The following SLC39A11 variants were observed in gnomAD, a reference collection of about 807,000 sequenced individuals.
SLC39A11 encodes solute carrier family 39 member 11, also known as zinc transporter ZIP11.
A neutral mutation model predicts 36.1 loss-of-function variants in SLC39A11; 33 were observed. That is an observed-to-expected ratio of 0.91 (90% CI 0.69 to 1.22). The LOEUF (loss-of-function observed/expected upper bound fraction) is 1.22, where lower values mean the gene tolerates loss of function less well. Among genes scored for constraint, SLC39A11 ranks in the 50% most tolerant of loss-of-function variants. The pLI, the probability that SLC39A11 is intolerant of heterozygous loss-of-function variation, is 0.00. For missense variants in SLC39A11, 432 were observed against 430.3 expected, an observed-to-expected ratio of 1.00 and a Z score of -0.03; for synonymous variants, 166 against 170.3, an observed-to-expected ratio of 0.97 and a Z score of 0.20.
At position 72,865,604 on chromosome 17, in the gene SLC39A11, C is replaced by T. The variant is rs1343067669; in HGVS notation, c.431-15800G>A. 2.6e-5 allele frequency among the ~76,000 whole-genome samples: 4 copies of T among 151,710 alleles called. No individual in the cohort carries two copies. In the East Asian group the frequency reaches 7.7e-4, roughly 29 times the overall value. ...CTAAAAAAAAATACGCTCCCATGAT[C>T]CAGGACGCTGAAGACCCTCAAGGAA... On this transcript the variant is annotated intron_variant, in intron 5 of 9. Coordinates refer to ENST00000255559, the MANE Select transcript of SLC39A11 (RefSeq NM_139177.4).
intron 5 of SLC39A11, among the ~76,000 whole-genome samples, chr17:72,868,646 A>T (rs866824111): frequency 6.7e-6 from 1 of 148,680 alleles, no homozygotes; most frequent in African/African-American, 2.5e-5. Flanking sequence ...AAAAAAAAAA[A>T]AAAGAAAGAA....
At chr17:73,053,811 G>C (rs1345941450) in intron 3 of SLC39A11, among the ~76,000 whole-genome samples, 1 of 152,214 alleles carries the variant, frequency 6.6e-6, no homozygotes, top group Non-Finnish European at 1.5e-5. Flanking sequence ...TTCCTGGCAT[G>C]ACTGCATCCT....
At chr17:72,913,204 C>A (rs984636009) in intron 5 of SLC39A11, among the ~76,000 whole-genome samples, 2 of 151,372 alleles carry the variant, frequency 1.3e-5, no homozygotes, top group Admixed American at 1.3e-4. Context: ...AAAAAAAATC[C>A]TTTTTTAATT....
At chr17:72,772,650 C>T (rs2075989125) in intron 6 of SLC39A11, among the ~76,000 whole-genome samples, 2 of 152,174 alleles carry the variant, frequency 1.3e-5, no homozygotes. Flanking sequence ...TGTTGCATCG[C>T]TGCACACCTG....
chr17:72,888,273 T>C (rs1002849936), intron 5 of SLC39A11, among the ~76,000 whole-genome samples: 1 of 152,216 alleles, frequency 6.6e-6, no homozygotes, highest in Non-Finnish European at 1.5e-5. Context: ...ATGTAAAATA[T>C]GCCTTCTATT....
intron 4 of SLC39A11, among the ~76,000 whole-genome samples, chr17:73,020,391 A>G (rs942049860): frequency 1.3e-5 from 2 of 152,190 alleles, no homozygotes; most frequent in South Asian, 4.1e-4. Context: ...CATCTGCAAG[A>G]CAGAAAGAGA....
intron 6 of SLC39A11, among the ~76,000 whole-genome samples, chr17:72,763,680 T>C (rs2075667955): frequency 6.6e-6 from 1 of 152,206 alleles, no homozygotes. Flanking sequence ...CATCCATAAG[T>C]ACTTATCGAG....
At chr17:72,888,226 AC>A (rs1942897895) in intron 5 of SLC39A11, among the ~76,000 whole-genome samples, 2 of 152,224 alleles carry the variant, frequency 1.3e-5, no homozygotes, top group South Asian at 4.1e-4. Context: ...ATTTTGTTCC[AC>A]ATTTTAAGCT....
intron 5 of SLC39A11, among the ~76,000 whole-genome samples, chr17:72,927,823 TAC>T (rs1049083287): frequency 6.6e-6 from 1 of 150,584 alleles, no homozygotes; most frequent in African/African-American, 2.5e-5. Flanking sequence ...CACACACACA[TAC>T]ACACACACAC....
intron 6 of SLC39A11, among the ~76,000 whole-genome samples, chr17:72,794,054 A>G (rs2076808346): frequency 6.6e-6 from 1 of 152,184 alleles, no homozygotes. Flanking sequence ...CATTGTTAGC[A>G]TCAGGCTCTG....
chr17:72,705,376 T>C (rs2072846882), intron 7 of SLC39A11, among the ~76,000 whole-genome samples: 1 of 152,220 alleles, frequency 6.6e-6, no homozygotes, highest in Non-Finnish European at 1.5e-5. Flanking sequence ...TCCATATTAA[T>C]AAGTACAGCT....
chr17:72,657,506 G>A (rs1378294685), intron 7 of SLC39A11, among the ~76,000 whole-genome samples: 1 of 152,240 alleles, frequency 6.6e-6, no homozygotes, highest in Non-Finnish European at 1.5e-5. Flanking sequence ...GAGTAGCAAT[G>A]GTTTACCTCA....
At chr17:72,728,036 A>G (rs78522727) in intron 7 of SLC39A11, among the ~76,000 whole-genome samples, 9,080 of 152,282 alleles carry the variant, frequency 0.06, 352 homozygotes, top group African/African-American at 0.1. Flanking sequence ...CTGCTTCAAC[A>G]GACAGGGCAC....
chr17:72,810,087 A>G (rs903824146), intron 6 of SLC39A11, among the ~76,000 whole-genome samples: 2 of 142,772 alleles, frequency 1.4e-5, no homozygotes, highest in African/African-American at 5.3e-5. Flanking sequence ...AAAACAACAA[A>G]AAAAAAAAAA....
chr17:72,737,366 C>T (rs1207246116), intron 6 of SLC39A11, among the ~76,000 whole-genome samples: 1 of 152,150 alleles, frequency 6.6e-6, no homozygotes, highest in African/African-American at 2.4e-5. Flanking sequence ...TGCTCATTGG[C>T]TGACGAAATG....
At chr17:72,735,206 G>A (rs1033572922) in intron 7 of SLC39A11, among the ~76,000 whole-genome samples, 2 of 152,126 alleles carry the variant, frequency 1.3e-5, no homozygotes, top group Non-Finnish European at 1.5e-5. Context: ...GCACATATTC[G>A]GGGCTTCATG....
intron 5 of SLC39A11, among the ~76,000 whole-genome samples, chr17:72,860,072 ACAAAT>A (rs1453600545): frequency 1.1e-4 from 17 of 150,014 alleles, no homozygotes; most frequent in African/African-American, 4.2e-4. Flanking sequence ...GAAAGAGAAC[ACAAAT>A]CAAATGGGAT....
chr17:72,949,143 G>GTTTTTTTT (rs1568004786), intron 4 of SLC39A11, among the ~76,000 whole-genome samples: 2 of 52,540 alleles, frequency 3.8e-5, no homozygotes, highest in Admixed American at 3.0e-4. Flanking sequence ...ACACTGGGCA[G>GTTTTTTTT]CTTTTTTTTT....
At chr17:72,674,717 TTTTACA>T (rs1289010382) in intron 7 of SLC39A11, among the ~76,000 whole-genome samples, 2 of 152,198 alleles carry the variant, frequency 1.3e-5, no homozygotes, top group South Asian at 4.1e-4. Context: ...AATTTCACAG[TTTTACA>T]TTTTCCCCAC....
Sources: allele counts gnomAD v4.1 joint callset (sites outside exome capture counted in the v4.1 genomes callset), GRCh38; gene constraint gnomAD v4.1.1; transcripts MANE v1.5; gene names NCBI Gene and HGNC (gene_info 2026-07-23, HGNC 2026-07-21).